SPARCL1: variants seen among roughly 807,000 people sequenced by gnomAD.
SPARCL1 encodes the protein SPARC-like protein 1.
In SPARCL1, 52 loss-of-function variants were observed where a neutral mutation model predicts 67.1. The ratio of observed to expected loss-of-function variants is 0.78; its 90% CI spans 0.62 to 0.98. SPARCL1 has a LOEUF of 0.98. Among genes scored for constraint, SPARCL1 ranks in the 50% least tolerant of loss-of-function variants. The pLI, the probability that SPARCL1 is intolerant of heterozygous loss-of-function variation, is 0.00. For synonymous variants in SPARCL1, 226 were observed against 267.8 expected (o/e 0.84, Z 1.52); for missense variants, 717 against 782.4 (o/e 0.92, Z 1.00).
intron 1 of SPARCL1, among the ~76,000 whole-genome samples, chr4:87,503,740 G>A (rs1040621242): frequency 6.1e-5 from 9 of 147,170 alleles, no homozygotes; most frequent in Non-Finnish European, 8.9e-5. Context: ...GTGCAATGGC[G>A]CAATCTTGGT....
intron 1 of SPARCL1, among the ~76,000 whole-genome samples, chr4:87,508,862 T>C (rs1725227107): frequency 7.4e-6 from 1 of 135,650 alleles, no homozygotes; most frequent in Non-Finnish European, 1.5e-5. Context: ...TAGATAAATA[T>C]ATACATATAT....
chr4:87,517,765 G>T (rs1315078164), intron 1 of SPARCL1, among the ~76,000 whole-genome samples: 1 of 152,294 alleles, frequency 6.6e-6, no homozygotes, highest in Non-Finnish European at 1.5e-5. Flanking sequence ...GGAATTTCAA[G>T]TGCTTTCAGC....
intron 1 of SPARCL1, among the ~76,000 whole-genome samples, chr4:87,524,108 A>AAC (rs1560456844): frequency 6.6e-6 from 1 of 152,238 alleles, no homozygotes; most frequent in Non-Finnish European, 1.5e-5. Context: ...TGACCTAGAA[A>AAC]ACACTGGAGG....
intron 10 of SPARCL1, among the ~76,000 whole-genome samples, chr4:87,475,248 A>T (rs576938195): frequency 1.3e-5 from 2 of 152,010 alleles, no homozygotes; most frequent in Non-Finnish European, 2.9e-5. Flanking sequence ...TTCCACCAGA[A>T]CTACTCTAAC....
intron 1 of SPARCL1, among the ~76,000 whole-genome samples, chr4:87,527,932 A>T (rs190964689): frequency 1.3e-5 from 2 of 152,276 alleles, no homozygotes; most frequent in East Asian, 3.9e-4. Context: ...CTGTGAACTG[A>T]AAAAAGCTGG....
chr4:87,509,600 C>T (rs750373480), intron 1 of SPARCL1, among the ~76,000 whole-genome samples: 4 of 152,128 alleles, frequency 2.6e-5, no homozygotes, highest in African/African-American at 4.8e-5. Flanking sequence ...GCAGAAGCAT[C>T]GAGTCTCTAG....
intron 1 of SPARCL1, among the ~76,000 whole-genome samples, chr4:87,504,499 A>G (rs193196592): frequency 6.6e-6 from 1 of 152,258 alleles, no homozygotes; most frequent in African/African-American, 2.4e-5. Flanking sequence ...ACCTTATTTG[A>G]TCTTTACAAC....
At chr4:87,475,853 C>G (rs1253953634) in intron 10 of SPARCL1, among the ~76,000 whole-genome samples, 1 of 152,192 alleles carries the variant, frequency 6.6e-6, no homozygotes, top group Non-Finnish European at 1.5e-5. Flanking sequence ...AACAGATCTA[C>G]TATTCAACCC....
At chr4:87,491,947 C>A (rs111674201) in intron 4 of SPARCL1, among the ~76,000 whole-genome samples, 9 of 53,942 alleles carry the variant, frequency 1.7e-4, no homozygotes, top group African/African-American at 4.3e-4. Flanking sequence ...TCTACCCACC[C>A]CCCCCCCCAA....
chr4:87,500,901 A>G (rs142926581), intron 1 of SPARCL1, among the ~76,000 whole-genome samples: 41 of 152,328 alleles, frequency 2.7e-4, no homozygotes, highest in African/African-American at 9.1e-4. Context: ...CAATGTAAAT[A>G]TTCTTCACAG....
At chr4:87,478,203 C>T (rs1408332769) in intron 10 of SPARCL1, among the ~76,000 whole-genome samples, 2 of 152,000 alleles carry the variant, frequency 1.3e-5, no homozygotes, top group Non-Finnish European at 2.9e-5. Context: ...ATTTGATGTT[C>T]ACTGTTAATT....
At chr4:87,500,809 C>T (rs776221449) in intron 1 of SPARCL1, among the ~76,000 whole-genome samples, 2 of 152,214 alleles carry the variant, frequency 1.3e-5, no homozygotes, top group Admixed American at 6.5e-5. Flanking sequence ...TACGCGCGCA[C>T]GCACACACTT....
At chr4:87,524,232 CT>C (rs150890355) in intron 1 of SPARCL1, among the ~76,000 whole-genome samples, 5,213 of 152,026 alleles carry the variant, frequency 0.034, 304 homozygotes, top group African/African-American at 0.12. Context: ...AGTCACAATT[CT>C]TTTTTTTCCC....
At chr4:87,506,311 T>C (rs1447303066) in intron 1 of SPARCL1, among the ~76,000 whole-genome samples, 2 of 152,220 alleles carry the variant, frequency 1.3e-5, no homozygotes, top group Non-Finnish European at 2.9e-5. Flanking sequence ...TCTGTGATGG[T>C]TAATTTTATA....
At chr4:87,525,255 C>T (rs933017599) in intron 1 of SPARCL1, among the ~76,000 whole-genome samples, 48 of 152,278 alleles carry the variant, frequency 3.2e-4, no homozygotes, top group African/African-American at 1.1e-3. Flanking sequence ...AGCAGCCAAC[C>T]TTTACCATGG....
At position 87,495,064 on chromosome 4, in the gene SPARCL1, T is replaced by C. The variant is rs777796096; in HGVS notation, c.118A>G (p.Thr40Ala). 6.2e-7 allele frequency: 1 copy of C among 1,613,020 alleles called. No individual in the cohort carries two copies. The highest frequency in any genetic ancestry group is 1.1e-5 in the South Asian group (1 of 90,760). ...TCAGCCCTTAAACTGGGGATTGCAGTGTTGTCAGGTGCTACCGTTTCAGCA... is the reference window on the plus strand; with the variant it reads ...TCAGCCCTTAAACTGGGGATTGCAGCGTTGTCAGGTGCTACCGTTTCAGCA... ...PTAETVAPDNTAIPSLRAEAE... is the reference protein window; with the variant it reads ...PTAETVAPDNAAIPSLRAEAE... Residue 40 changes from threonine to alanine, a missense_variant, in exon 3 of 11, where the codon ACT becomes GCT. Coordinates refer to ENST00000282470, the MANE Select transcript of SPARCL1 (RefSeq NM_004684.6).
At position 87,482,556 on chromosome 4, in the gene SPARCL1, A is replaced by T. The variant is rs1033194349; in HGVS notation, c.1536T>A (p.Ile512=). The part of the protein sequence containing the change: ...QLDYFGACKS[I]PTCTDFEVIQ... ...TCACTTCAAAGTCCGTACAAGTAGG[A>T]ATAGCTGTTACAAGCAGAAAATGTA... is the stretch of plus-strand genomic sequence containing the variant. Residue 512 remains isoleucine (I), a synonymous_variant, in exon 8 of 11, where the codon ATT becomes ATA. Coordinates refer to ENST00000282470, the MANE Select transcript of SPARCL1 (RefSeq NM_004684.6). The T allele has an allele frequency of 1.2e-6, 2 of 1,613,782 alleles. No homozygotes were observed. The highest frequency in any genetic ancestry group is 2.7e-5 in the African/African-American group (2 of 74,896).
intron 1 of SPARCL1, among the ~76,000 whole-genome samples, chr4:87,507,104 C>T (rs1725116421): frequency 6.6e-6 from 1 of 152,144 alleles, no homozygotes; most frequent in East Asian, 1.9e-4. Flanking sequence ...ACATTAAAGT[C>T]CATTCTGGCC....
intron 6 of SPARCL1, 140 bp from the exon 7 acceptor site, chr4:87,490,533 G>C (rs1724276787): frequency 1.9e-6 from 2 of 1,063,740 alleles, no homozygotes; most frequent in Admixed American, 2.5e-5. Flanking sequence ...AATCGTAATT[G>C]TTCCATTTGG....
Sources: gnomAD v4.1 joint callset for allele counts (sites outside exome capture counted in the v4.1 genomes callset) on GRCh38, gnomAD v4.1.1 for gene constraint, MANE v1.5 for transcripts, NCBI Gene and HGNC (gene_info 2026-07-23, HGNC 2026-07-21) for gene names.